VANGL2: variants seen among roughly 807,000 people sequenced by gnomAD.
VANGL2 encodes VANGL planar cell polarity protein 2.
In VANGL2, 14 loss-of-function variants were observed where a neutral mutation model predicts 50.2. The ratio of observed to expected loss-of-function variants is 0.28; its 90% CI spans 0.18 to 0.44. VANGL2 has a LOEUF of 0.44. Among genes scored for constraint, VANGL2 ranks in the 20% least tolerant of loss-of-function variants. VANGL2 has a pLI of 1.00. For synonymous variants in VANGL2, 295 were observed against 297.2 expected, an observed-to-expected ratio of 0.99 and a Z score of 0.08; for missense variants, 533 against 701.5, an observed-to-expected ratio of 0.76 and a Z score of 2.71.
In VANGL2 at chr1:160,400,678, A is replaced by AG. The variant is rs938825466; in HGVS notation, c.-377dup. On this transcript the variant is annotated 5_prime_UTR_variant, in exon 1 of 8. Transcript: ENST00000368061. ...CTGGCCCCCAGCCCCCGGGGCCTTG[A>AG]GGGGGAAGAGGCAGCGGTCTGGGAC... is the stretch of plus-strand genomic sequence containing the variant. 9.2e-5 allele frequency: 14 copies of AG among 152,000 alleles called. No homozygotes were observed. Among genetic ancestry groups the AG allele is most frequent in the African/African-American group, 2.9e-4 (12 of 41,276 alleles). The allele number at this position is 152,000 out of a possible 1,614,324, so 9.4% of individuals were successfully genotyped here. A position where few individuals can be genotyped will look rare whatever the true frequency, so the allele number is the denominator to read the frequency against.
At chr1:160,420,664 C>A in intron 5 of VANGL2, 117 bp downstream of exon 5, 1 of 1,484,728 alleles carries the variant, frequency 6.7e-7, no homozygotes, top group Non-Finnish European at 9.3e-7. Context: ...ATGTTCTAGC[C>A]GCTTCTATTC....
chr1:160,423,132 C>T (rs1651328996), intron 6 of VANGL2, among the ~76,000 whole-genome samples: 1 of 152,192 alleles, frequency 6.6e-6, no homozygotes, highest in Non-Finnish European at 1.5e-5. Context: ...TCTTGAACTC[C>T]TGACCTCAGG....
rs11588547 is a variant in VANGL2, at chr1:160,406,305, C to T, written c.-191+5436C>T. Among the ~76,000 whole-genome samples, 794 of 152,312 alleles carry T rather than the reference C, an allele frequency of 5.2e-3. 2 individuals carry two copies. The highest frequency in any genetic ancestry group is 0.017 in the Middle Eastern group (5 of 294). ...GCTCATTATTGCCTTTAATCTTGCA[C>T]TTGAGTAATTCCCCTGTTTTCTGAA... On this transcript the variant is annotated intron_variant, in intron 1 of 7. Coordinates refer to ENST00000368061, the MANE Select transcript of VANGL2 (RefSeq NM_020335.3).
rs759004620 is a variant in VANGL2, at chr1:160,420,418, C to T, written c.808C>T (p.Arg270Cys). ...CTGCCGTCTCCCCCACAGCATCCAG[C>T]GCGTGGCAGTGTGGATCCTGGAGAA... Reference protein sequence around the residue: ...FYNVGHLSIQRVAVWILEKYY... With the variant: ...FYNVGHLSIQCVAVWILEKYY... The change falls in exon 5 of 8, where the codon CGC becomes TGC. Residue 270 changes from arginine to cysteine, a missense_variant. Arg to Cys is a radical substitution (Grantham distance 180). Transcript: ENST00000368061. The T allele has an allele frequency of 1.7e-5, 28 of 1,613,936 alleles. No individual in the cohort carries two copies. In the Admixed American group the frequency reaches 3.5e-4, roughly 20 times the overall value.
chr1:160,411,369 CTTG>C (rs1650875626), intron 1 of VANGL2, among the ~76,000 whole-genome samples: 1 of 151,982 alleles, frequency 6.6e-6, no homozygotes, highest in Non-Finnish European at 1.5e-5. Flanking sequence ...GACGTTTCCA[CTTG>C]TTGATCTCAT....
intron 6 of VANGL2, among the ~76,000 whole-genome samples, chr1:160,422,387 T>C (rs1651304488): frequency 6.6e-6 from 1 of 152,214 alleles, no homozygotes; most frequent in Non-Finnish European, 1.5e-5. Context: ...CTTTCCCCAT[T>C]ACCTTGCTTT....
Position 160,425,431 on chromosome 1 carries a change from A to C in VANGL2, c.*53A>C. 2.6e-3 allele frequency: 488 copies of C among 189,298 alleles called. No homozygotes were observed. Among genetic ancestry groups the C allele is most frequent in the Non-Finnish European group, 4.0e-3 (432 of 107,922 alleles). The allele number at this position is 189,298 out of a possible 1,614,324, so 11.7% of individuals were successfully genotyped here. Reference sequence around the variant, plus strand: ...CTCTGGGGGGTCCTGAGGGGGTGGGAGGGGGCTTGGTTCTCAGGCCCAGCC... The same window carrying C: ...CTCTGGGGGGTCCTGAGGGGGTGGGCGGGGGCTTGGTTCTCAGGCCCAGCC... On this transcript the variant is annotated 3_prime_UTR_variant, in exon 8 of 8. Coordinates refer to ENST00000368061, the MANE Select transcript of VANGL2 (RefSeq NM_020335.3).
chr1:160,420,531 G>T lies in VANGL2; in HGVS notation c.921G>T (p.Val307=). 1 of 1,614,168 alleles carries T rather than the reference G, an allele frequency of 6.2e-7. No homozygotes were observed. The highest frequency in any genetic ancestry group is 8.5e-7 in the Non-Finnish European group (1 of 1,180,032). Residue 307 remains valine, a synonymous_variant, in exon 5 of 8, where the codon GTG becomes GTT. Coordinates refer to ENST00000368061, the MANE Select transcript of VANGL2 (RefSeq NM_020335.3). ...VLAKKVSGFK[V]YSLGEENSTN... is the part of the protein sequence containing the mutation. ...CCAAGAAAGTGTCTGGCTTCAAGGT[G>T]TATTCCCTCGGAGAGGGTGAGCAGC...
intron 1 of VANGL2, among the ~76,000 whole-genome samples, chr1:160,409,647 G>A (rs1305188386): frequency 6.6e-6 from 1 of 152,204 alleles, no homozygotes. Context: ...GGGGAGGTGT[G>A]TGACAAGGAG....
At chr1:160,404,971 C>T (rs1341414556) in intron 1 of VANGL2, among the ~76,000 whole-genome samples, 1 of 152,122 alleles carries the variant, frequency 6.6e-6, no homozygotes, top group Non-Finnish European at 1.5e-5. Context: ...TCATCCCTTT[C>T]CTGCTTGTGC....
intron 1 of VANGL2, among the ~76,000 whole-genome samples, chr1:160,406,550 G>A (rs1032821990): frequency 1.3e-5 from 2 of 152,074 alleles, no homozygotes; most frequent in African/African-American, 2.4e-5. Context: ...TGTAGGCTCC[G>A]GCCACCATGG....
chr1:160,419,934 C>A lies in VANGL2; in HGVS notation c.800+325C>A, dbSNP rs892912578. 2.0e-5 allele frequency among the ~76,000 whole-genome samples: 3 copies of A among 152,006 alleles called. No homozygotes were observed. Among genetic ancestry groups the A allele is most frequent in the Non-Finnish European group, 4.4e-5 (3 of 68,000 alleles). Reference sequence around the variant, plus strand: ...TGCACAAACAGGGGCTTTTTGGAATCCCTTTTCTAGTCCTTTCTGGGAGGC... The same window carrying A: ...TGCACAAACAGGGGCTTTTTGGAATACCTTTTCTAGTCCTTTCTGGGAGGC... On this transcript the variant is annotated intron_variant, in intron 4 of 7. Coordinates refer to ENST00000368061, the MANE Select transcript of VANGL2 (RefSeq NM_020335.3). This position sits in a 1 kb window ranked among gnomAD's most constrained non-coding sequence, Gnocchi z 5.8.
chr1:160,424,353 C>T, intron 7 of VANGL2, 70 bp downstream of exon 7: 2 of 1,444,870 alleles, frequency 1.4e-6, no homozygotes, highest in Non-Finnish European at 1.9e-6. Flanking sequence ...TTCATTTTCC[C>T]TTATTCTCTC....
chr1:160,412,958 A>C (rs1421415291), intron 1 of VANGL2, among the ~76,000 whole-genome samples: 1 of 152,230 alleles, frequency 6.6e-6, no homozygotes, highest in East Asian at 1.9e-4. Context: ...GTACAGTAAC[A>C]TGCTGTACAG....
chr1:160,405,998 C>T (rs1449015622), intron 1 of VANGL2, among the ~76,000 whole-genome samples: 1 of 152,130 alleles, frequency 6.6e-6, no homozygotes, highest in Non-Finnish European at 1.5e-5. Flanking sequence ...GCTGTGGACC[C>T]ACTAAAGGAG....
chr1:160,420,692 C>G (rs144754499), intron 5 of VANGL2, 145 bp downstream of exon 5: 1 of 1,288,360 alleles, frequency 7.8e-7, no homozygotes, highest in Non-Finnish European at 1.1e-6. Context: ...TCCCTTGACT[C>G]CAGGTGGCTG....
chr1:160,413,564 A>G (rs1287459809), intron 1 of VANGL2, among the ~76,000 whole-genome samples: 1 of 152,056 alleles, frequency 6.6e-6, no homozygotes, highest in East Asian at 1.9e-4. Flanking sequence ...GCCCCATTTT[A>G]GTTTTTAACA....
intron 1 of VANGL2, among the ~76,000 whole-genome samples, chr1:160,415,421 C>T (rs747788130): frequency 9.1e-4 from 139 of 152,214 alleles, no homozygotes; most frequent in Non-Finnish European, 3.7e-4. Context: ...CCTTTGCTGG[C>T]CATCTTCCCC....
intron 7 of VANGL2, 26 bp downstream of exon 7, chr1:160,424,309 C>A: frequency 1.2e-6 from 2 of 1,603,286 alleles, no homozygotes; most frequent in East Asian, 2.2e-5. Context: ...TGCCAGCATC[C>A]TTCCTCCTTC....
Sources: gnomAD v4.1 joint callset for allele counts (sites outside exome capture counted in the v4.1 genomes callset) on GRCh38, gnomAD v4.1.1 for gene constraint, Gnocchi (gnomAD v3.1) non-coding constraint, MANE v1.5 for transcripts, NCBI Gene and HGNC (gene_info 2026-07-23, HGNC 2026-07-21) for gene names.